BBOF1: variants seen among roughly 807,000 people sequenced by gnomAD.
The protein encoded by BBOF1 is basal body orientation factor 1.
A neutral mutation model predicts 68.0 loss-of-function variants in BBOF1; 62 were observed. The ratio of observed to expected loss-of-function variants is 0.91; its 90% CI spans 0.74 to 1.13. BBOF1 has a LOEUF of 1.13. Among genes scored for constraint, BBOF1 ranks in the 50% most tolerant of loss-of-function variants. The pLI is 0.00. For missense variants in BBOF1, 534 were observed against 600.1 expected, an observed-to-expected ratio of 0.89 and a Z score of 1.15; for synonymous variants, 208 against 198.8, an observed-to-expected ratio of 1.05 and a Z score of -0.39.
intron 9 of BBOF1, chr14:74,071,781 TATC>T (rs1490373361): frequency 6.8e-6 from 10 of 1,473,738 alleles, no homozygotes; most frequent in Non-Finnish European, 9.5e-6. Context: ...TTAAAAAAGA[TATC>T]ATGGGATGGC....
Position 74,072,531 on chromosome 14 carries a change from G to A in BBOF1, n.1380-5665G>A, listed in dbSNP as rs188543079. 357 of 1,614,024 alleles carry A rather than the reference G, an allele frequency of 2.2e-4. 1 individual carries two copies. In the East Asian group the frequency reaches 7.3e-3, roughly 33 times the overall value. On this transcript the variant is annotated intron_variant and non_coding_transcript_variant, in intron 9 of 12. Transcript: ENST00000492026. ...TAAGTTGAAGTCCCAAAGCAGCTTC[G>A]CTTACTGGGTTGTGGATATCGATCC...
At chr14:74,069,121 T>TC (rs1333699373), downstream of BBOF1, 36 of 949,880 alleles carry the variant, frequency 3.8e-5, no homozygotes, top group African/African-American at 6.0e-4. Flanking sequence ...TTTTTTTTTT[T>TC]TGAGACGGAG....
intron 8 of BBOF1, among the ~76,000 whole-genome samples, chr14:74,053,071 A>G (rs971537439): frequency 2.0e-5 from 3 of 151,988 alleles, no homozygotes; most frequent in Non-Finnish European, 2.9e-5. Flanking sequence ...TAAAAAATGA[A>G]GTATATGGTA....
intron 7 of BBOF1, chr14:74,048,639 G>A (rs868784521): frequency 5.3e-5 from 8 of 152,082 alleles, no homozygotes; most frequent in South Asian, 4.2e-4. Context: ...TGTGCCTCTC[G>A]TTTAAGAGGT....
chr14:74,051,246 A>G (rs971161187), intron 8 of BBOF1, among the ~76,000 whole-genome samples: 3 of 151,294 alleles, frequency 2.0e-5, no homozygotes, highest in African/African-American at 7.4e-5. Context: ...CACTGTCTCA[A>G]AAAAACAAAA....
At chr14:74,052,313 C>T (rs1231123611) in intron 8 of BBOF1, among the ~76,000 whole-genome samples, 1 of 151,644 alleles carries the variant, frequency 6.6e-6, no homozygotes, top group Admixed American at 6.6e-5. Flanking sequence ...CCTTAGTGTC[C>T]TATTGCCTCT....
At chr14:74,080,519 G>A (rs1414252298) in intron 10 of BBOF1, among the ~76,000 whole-genome samples, 1 of 151,662 alleles carries the variant, frequency 6.6e-6, no homozygotes, top group Non-Finnish European at 1.5e-5. Context: ...AGGTGCACAC[G>A]ACCTCGCTCT....
At chr14:74,070,030 G>A (rs528526332), downstream of BBOF1, among the ~76,000 whole-genome samples, 1 of 151,598 alleles carries the variant, frequency 6.6e-6, no homozygotes, top group African/African-American at 2.4e-5. Context: ...TGTAGAGACG[G>A]GGGTTTCGCC....
At position 74,029,177 on chromosome 14, in the gene BBOF1, T is replaced by G. The variant is rs1427609248; in HGVS notation, c.286-7T>G. ...TCTTCATGACCCTGTATTTTGATTTTCAACAGATTGAAAAACTGAAACAGC... is the reference window on the plus strand; with the variant it reads ...TCTTCATGACCCTGTATTTTGATTTGCAACAGATTGAAAAACTGAAACAGC... On this transcript the variant is annotated splice_region_variant and splice_polypyrimidine_tract_variant and intron_variant, in intron 2 of 11. Transcript: ENST00000394009. The G allele has an allele frequency of 6.5e-7, 1 of 1,543,814 alleles. No individual in the cohort carries two copies. The highest frequency in any genetic ancestry group is 2.4e-5 in the East Asian group (1 of 42,042).
exon 10 of BBOF1, chr14:74,078,205 A>AAAC: frequency 2.2e-6 from 1 of 456,048 alleles, no homozygotes; most frequent in Non-Finnish European, 4.4e-6. Flanking sequence ...GAGCACACAG[A>AAAC]AACCATCAGA....
In BBOF1 at chr14:74,071,695, CA is replaced by C. The variant is rs557115224; in HGVS notation, n.1380-6500del. On this transcript the variant is annotated intron_variant and non_coding_transcript_variant, in intron 9 of 12. Transcript: ENST00000492026. The stretch of plus-strand genomic sequence containing the variant: ...AAAAATACAGCGATATGTATATACC[CA>C]CTGGAAGATCATTTGAGTAAAGAGT... 104 of 1,489,508 alleles carry C rather than the reference CA, an allele frequency of 7.0e-5. No homozygotes were observed. In the African/African-American group the frequency reaches 1.4e-3, roughly 20 times the overall value. 92.3% of individuals were successfully genotyped at this position (1,489,508 alleles called of 1,614,324 possible). A position where few individuals can be genotyped will look rare whatever the true frequency, so the allele number is the denominator to read the frequency against.
intron 9 of BBOF1, chr14:74,072,382 C>G (rs767224623): frequency 6.2e-7 from 1 of 1,614,110 alleles, no homozygotes; most frequent in South Asian, 1.1e-5. Context: ...GAAAAATAAG[C>G]ACATGATCCT....
In BBOF1 at chr14:74,031,390, G is replaced by A. The variant is rs374349270; in HGVS notation, c.351+2141G>A. Among the ~76,000 whole-genome samples, 50 of 152,202 alleles carry A rather than the reference G, an allele frequency of 3.3e-4. 1 individual carries two copies. In the South Asian group the frequency reaches 0.01, roughly 32 times the overall value. ...GGCCTCCCAAAGTGTTGGAATTATA[G>A]GTGTAGGCCACCACGCCTGGCATCA... On this transcript the variant is annotated intron_variant, in intron 3 of 11. Coordinates refer to ENST00000394009, the MANE Select transcript of BBOF1 (RefSeq NM_025057.3).
intron 10 of BBOF1, among the ~76,000 whole-genome samples, chr14:74,079,924 G>A (rs745658848): frequency 6.6e-6 from 1 of 152,140 alleles, no homozygotes; most frequent in Non-Finnish European, 1.5e-5. Flanking sequence ...TGTGGTCCCA[G>A]GTACTTGGGA....
At chr14:74,064,255 G>A (rs993668259) in intron 11 of BBOF1, among the ~76,000 whole-genome samples, 8 of 149,286 alleles carry the variant, frequency 5.4e-5, no homozygotes, top group Non-Finnish European at 1.2e-4. Context: ...CTAAGACCAT[G>A]CCACAGCACT....
At chr14:74,031,437 T>C (rs1016114315) in intron 3 of BBOF1, among the ~76,000 whole-genome samples, 2 of 152,118 alleles carry the variant, frequency 1.3e-5, no homozygotes, top group African/African-American at 4.8e-5. Flanking sequence ...AGCTGTGTGA[T>C]GATTATTGTG....
intron 9 of BBOF1, chr14:74,071,427 G>A (rs1445911309): frequency 3.1e-6 from 5 of 1,614,176 alleles, no homozygotes; most frequent in Non-Finnish European, 3.4e-6. Context: ...AAAGGTCCAT[G>A]TCTTTGGTGA....
At chr14:74,074,113 C>T (rs1289998369) in intron 9 of BBOF1, among the ~76,000 whole-genome samples, 1 of 150,846 alleles carries the variant, frequency 6.6e-6, no homozygotes, top group Non-Finnish European at 1.5e-5. Flanking sequence ...CCCTCCCAGG[C>T]AGCTGGGACC....
downstream of BBOF1, chr14:74,069,003 T>A: frequency 1.2e-6 from 2 of 1,608,388 alleles, no homozygotes; most frequent in Non-Finnish European, 1.7e-6. Flanking sequence ...AAATAAATGA[T>A]CACTCACAAA....
Sources: gnomAD v4.1 joint callset for allele counts (sites outside exome capture counted in the v4.1 genomes callset) on GRCh38, gnomAD v4.1.1 for gene constraint, MANE v1.5 for transcripts, NCBI Gene and HGNC (gene_info 2026-07-23, HGNC 2026-07-21) for gene names.